Variants in ANKRD12 observed in about 807,000 individuals in gnomAD.
The protein encoded by ANKRD12 is ankyrin repeat domain-containing protein 12.
Under a neutral mutation model 183.4 loss-of-function variants are expected in ANKRD12, and 85 were observed. The ratio of observed to expected loss-of-function variants is 0.46; its 90% CI spans 0.39 to 0.56. The LOEUF (loss-of-function observed/expected upper bound fraction) is 0.56. ANKRD12 is among the 20% of genes least tolerant of loss of function. The pLI, the probability that ANKRD12 is intolerant of heterozygous loss-of-function variation, is 0.00. For synonymous variants in ANKRD12, 914 were observed against 800.2 expected, an observed-to-expected ratio of 1.14 and a Z score of -2.40; for missense variants, 2,405 against 2,357.1, an observed-to-expected ratio of 1.02 and a Z score of -0.42.
intron 8 of ANKRD12, chr18:9,249,807 A>C (rs1427444204): frequency 6.6e-6 from 1 of 152,224 alleles, no homozygotes; most frequent in Admixed American, 6.5e-5. Context: ...TCTCCTAAAA[A>C]GTTGGAAAAT....
At chr18:9,152,387 TA>T (rs1178650181) in intron 1 of ANKRD12, among the ~76,000 whole-genome samples, 4 of 152,220 alleles carry the variant, frequency 2.6e-5, no homozygotes, top group African/African-American at 9.7e-5. Context: ...GCTCTTTGAG[TA>T]AAAGTCCAGA....
At chr18:9,229,993 G>C (rs1169670259) in intron 8 of ANKRD12, among the ~76,000 whole-genome samples, 1 of 152,102 alleles carries the variant, frequency 6.6e-6, no homozygotes, top group Non-Finnish European at 1.5e-5. Flanking sequence ...GAATGGGTTA[G>C]GGAGAATCCC....
rs145544006 is a variant in ANKRD12, at chr18:9,283,644, C to G, written c.*2518C>G. ...TTTTAAACTCTTCAAATATCATGAACAAGATACTAAATTGTACCTAAGGAT... is the reference window on the plus strand; with the variant it reads ...TTTTAAACTCTTCAAATATCATGAAGAAGATACTAAATTGTACCTAAGGAT... On this transcript the variant is annotated 3_prime_UTR_variant, in exon 13 of 13. Transcript: ENST00000262126. The G allele has an allele frequency of 2.7e-4, 41 of 152,626 alleles. No homozygotes were observed. The highest frequency in any genetic ancestry group is 2.5e-4 in the Non-Finnish European group (17 of 67,986). 9.5% of individuals were successfully genotyped at this position (152,626 alleles called of 1,614,324 possible). A position where few individuals can be genotyped will look rare whatever the true frequency, so the allele number is the denominator to read the frequency against.
At chr18:9,209,288 G>A (rs1037005988) in intron 5 of ANKRD12, among the ~76,000 whole-genome samples, 3 of 152,156 alleles carry the variant, frequency 2.0e-5, no homozygotes, top group African/African-American at 7.2e-5. Flanking sequence ...CAGGCAACTG[G>A]CCTGAGATAG....
rs542688989 is a variant in ANKRD12 at position 9,153,022 on chromosome 18, AC to A, written c.-52+16058del. The stretch of plus-strand genomic sequence containing the variant: ...TTTTTTAAAAAATTTTTCTGTAGAG[AC>A]GGGTCTCACTATGTTGCCCAGGCTG... On this transcript the variant is annotated intron_variant, in intron 1 of 12. Coordinates refer to ENST00000262126, the MANE Select transcript of ANKRD12 (RefSeq NM_015208.5). Among the ~76,000 whole-genome samples the A allele has an allele frequency of 1.6e-3, 250 of 152,290 alleles. 1 individual carries two copies. The highest frequency in any genetic ancestry group is 3.5e-3 in the Admixed American group (54 of 15,306).
chr18:9,146,587 C>T (rs1442228380), intron 1 of ANKRD12, among the ~76,000 whole-genome samples: 1 of 152,224 alleles, frequency 6.6e-6, no homozygotes, highest in African/African-American at 2.4e-5. Flanking sequence ...TTGGAGTTTT[C>T]AGAGTACCAG....
rs1328413987 is a variant in ANKRD12 at position 9,284,857 on chromosome 18, C to G, written c.*3731C>G. 6.6e-6 allele frequency: 1 copy of G among 152,166 alleles called. No individual in the cohort carries two copies. The highest frequency in any genetic ancestry group is 2.4e-5 in the African/African-American group (1 of 41,432). 9.4% of individuals were successfully genotyped at this position (152,166 alleles called of 1,614,324 possible). A position where few individuals can be genotyped will look rare whatever the true frequency, so the allele number is the denominator to read the frequency against. Reference sequence around the variant, plus strand: ...GTTGGGTTTTCCCAGTGGTTAAATGCTATATAATAACTGCAAATAAAAGTT... The same window carrying G: ...GTTGGGTTTTCCCAGTGGTTAAATGGTATATAATAACTGCAAATAAAAGTT... On this transcript the variant is annotated 3_prime_UTR_variant, in exon 13 of 13. Coordinates refer to ENST00000262126, the MANE Select transcript of ANKRD12 (RefSeq NM_015208.5).
intron 8 of ANKRD12, among the ~76,000 whole-genome samples, chr18:9,253,127 A>G (rs575051999): frequency 1.3e-5 from 2 of 152,270 alleles, no homozygotes; most frequent in East Asian, 1.9e-4. Flanking sequence ...TACATGTGAT[A>G]TTTTGCTACA....
At chr18:9,237,739 C>T (rs549753370) in intron 8 of ANKRD12, among the ~76,000 whole-genome samples, 2 of 152,056 alleles carry the variant, frequency 1.3e-5, no homozygotes, top group African/African-American at 4.8e-5. Flanking sequence ...TAGCATGGAG[C>T]GAAATCTGGA....
At chr18:9,271,824 T>C (rs1312316507) in intron 10 of ANKRD12, among the ~76,000 whole-genome samples, 1 of 152,162 alleles carries the variant, frequency 6.6e-6, no homozygotes, top group Non-Finnish European at 1.5e-5. Flanking sequence ...GAAATGCCAG[T>C]TGGAAGTTAG....
Position 9,193,264 on chromosome 18 carries a change from A to C in ANKRD12, c.88-2287A>C, listed in dbSNP as rs188149037. On this transcript the variant is annotated intron_variant, in intron 2 of 12. Coordinates refer to ENST00000262126, the MANE Select transcript of ANKRD12 (RefSeq NM_015208.5). ...AGCAGTCCTCCTGCCTCAGCCTCCC[A>C]AGTAGCTAGGAACACAGGCGCATGC... Among the ~76,000 whole-genome samples, 966 of 151,056 alleles carry C rather than the reference A, an allele frequency of 6.4e-3. 7 individuals carry two copies. Among genetic ancestry groups the C allele is most frequent in the Middle Eastern group, 0.017 (5 of 288 alleles).
intron 1 of ANKRD12, among the ~76,000 whole-genome samples, chr18:9,142,142 A>G (rs2078339274): frequency 6.6e-6 from 1 of 152,166 alleles, no homozygotes; most frequent in African/African-American, 2.4e-5. Flanking sequence ...TTACTCCTAC[A>G]TAGGAGTTTT....
intron 2 of ANKRD12, among the ~76,000 whole-genome samples, chr18:9,192,060 C>A (rs2034489372): frequency 6.6e-6 from 1 of 152,198 alleles, no homozygotes; most frequent in Admixed American, 6.5e-5. Flanking sequence ...TCTGGAGTGG[C>A]ATGATGTGGC....
intron 1 of ANKRD12, among the ~76,000 whole-genome samples, chr18:9,149,793 A>ATTTTTTTTTTTTT (rs11403682): frequency 6.9e-6 from 1 of 145,052 alleles, no homozygotes; most frequent in Non-Finnish European, 1.5e-5. Context: ...TATTTATTAA[A>ATTTTTTTTTTTTT]TTTTATTTTT....
Position 9,256,187 on chromosome 18 carries a change from AACTC to A in ANKRD12, c.2921_2924del (p.Asn974ThrfsTer12), listed in dbSNP as rs1293973102. ...AGATAAAGAAAGTATAAATATAACT[AACTC>A]CAAACACATACAGGAAGAAAAAAAA... On this transcript the variant is annotated frameshift_variant, in exon 9 of 13. Transcript: ENST00000262126. LOFTEE classifies it high-confidence loss of function. 1 of 1,564,756 alleles carries A rather than the reference AACTC, an allele frequency of 6.4e-7. No homozygotes were observed.
rs574728493 is a variant in ANKRD12 at position 9,284,429 on chromosome 18, A to C, written c.*3303A>C. On this transcript the variant is annotated 3_prime_UTR_variant, in exon 13 of 13. Coordinates refer to ENST00000262126, the MANE Select transcript of ANKRD12 (RefSeq NM_015208.5). The stretch of plus-strand genomic sequence containing the variant: ...GTCTCTGATATCTTAAAACATAAAA[A>C]CCCAAAATTTTATATAGAAGAAATT... The C allele has an allele frequency of 1.3e-5, 2 of 152,292 alleles. No homozygotes were observed. Among genetic ancestry groups the C allele is most frequent in the African/African-American group, 4.8e-5 (2 of 41,558 alleles). 9.4% of individuals were successfully genotyped at this position (152,292 alleles called of 1,614,324 possible).
intron 6 of ANKRD12, among the ~76,000 whole-genome samples, chr18:9,214,207 T>A (rs1194882401): frequency 1.3e-5 from 2 of 152,126 alleles, no homozygotes; most frequent in East Asian, 1.9e-4. Context: ...ACCTACATAC[T>A]AGTCTGTTCT....
chr18:9,263,781 T>C lies in ANKRD12; in HGVS notation c.5665-9T>C. 1 of 1,533,306 alleles carries C rather than the reference T, an allele frequency of 6.5e-7. No homozygotes were observed. The highest frequency in any genetic ancestry group is 8.8e-7 in the Non-Finnish European group (1 of 1,133,026). The allele number at this position is 1,533,306 out of a possible 1,614,324, so 95.0% of individuals were successfully genotyped here. A position where few individuals can be genotyped will look rare whatever the true frequency, so the allele number is the denominator to read the frequency against. On this transcript the variant is annotated splice_polypyrimidine_tract_variant and intron_variant, in intron 9 of 12. Transcript: ENST00000262126. Reference sequence around the variant, plus strand: ...TAATATTTTAAACTATATATATCTTTTTAATTAGATTACACCACCACCTTC... The same window carrying C: ...TAATATTTTAAACTATATATATCTTCTTAATTAGATTACACCACCACCTTC...
chr18:9,160,607 C>G (rs1271904454), intron 1 of ANKRD12, among the ~76,000 whole-genome samples: 5 of 152,194 alleles, frequency 3.3e-5, no homozygotes, highest in African/African-American at 9.7e-5. Flanking sequence ...TTTTTTATCA[C>G]TCTACTCAGA....
Sources: gnomAD v4.1 joint callset for allele counts (sites outside exome capture counted in the v4.1 genomes callset) on GRCh38, gnomAD v4.1.1 for gene constraint, MANE v1.5 for transcripts, NCBI Gene and HGNC (gene_info 2026-07-23, HGNC 2026-07-21) for gene names.